The following BACE2 variants were observed in gnomAD, a reference collection of about 807,000 sequenced individuals.
The protein encoded by BACE2 is 56 kDa aspartic-like protease.
Under a neutral mutation model 46.2 loss-of-function variants are expected in BACE2, and 17 were observed. That is an observed-to-expected ratio of 0.37 (90% confidence interval 0.25 to 0.55). The LOEUF (loss-of-function observed/expected upper bound fraction) is 0.55. BACE2 is among the 20% of genes least tolerant of loss of function. The pLI is 0.82. For synonymous variants in BACE2, 277 were observed against 295.9 expected (o/e 0.94, Z 0.66); for missense variants, 595 against 698.1 (o/e 0.85, Z 1.66).
intron 1 of BACE2, among the ~76,000 whole-genome samples, chr21:41,206,268 A>G (rs565950437): frequency 6.6e-6 from 1 of 152,294 alleles, no homozygotes; most frequent in East Asian, 1.9e-4. Flanking sequence ...TGGCAGAAAG[A>G]GGGTGAGAGC....
intron 3 of BACE2, among the ~76,000 whole-genome samples, chr21:41,239,945 G>A (rs542429119): frequency 6.6e-6 from 1 of 152,350 alleles, no homozygotes; most frequent in East Asian, 1.9e-4. Flanking sequence ...AACCTAAATT[G>A]CCTGGAATTA....
intron 1 of BACE2, among the ~76,000 whole-genome samples, chr21:41,213,076 T>C (rs1986348950): frequency 6.6e-6 from 1 of 152,224 alleles, no homozygotes; most frequent in South Asian, 2.1e-4. Flanking sequence ...CTCATGGACA[T>C]GCTTCCCCAT....
chr21:41,266,549 C>T (rs909377174), intron 8 of BACE2, among the ~76,000 whole-genome samples: 1 of 152,234 alleles, frequency 6.6e-6, no homozygotes, highest in African/African-American at 2.4e-5. Flanking sequence ...AGATGCCAGC[C>T]ACGTTTGAGG....
rs147031078 is a variant in BACE2 at position 41,202,828 on chromosome 21, C to T, written c.313-23438C>T. Among the ~76,000 whole-genome samples the T allele has an allele frequency of 3.3e-5, 5 of 152,236 alleles. No individual in the cohort carries two copies. In the East Asian group the frequency reaches 9.7e-4, roughly 29 times the overall value. On this transcript the variant is annotated intron_variant, in intron 1 of 8. Coordinates refer to ENST00000330333, the MANE Select transcript of BACE2 (RefSeq NM_012105.5). ...GGGACCTGGTTAAACATATGGATTC[C>T]AGGCACCATTCTCTGGGCTGGAGAT...
intron 1 of BACE2, among the ~76,000 whole-genome samples, chr21:41,213,773 CA>C (rs879562745): frequency 2.6e-4 from 37 of 142,070 alleles, no homozygotes; most frequent in Admixed American, 4.9e-4. Flanking sequence ...TACTCCGTCT[CA>C]AAAAAAAAAA....
rs947621713 is a variant in BACE2, at chr21:41,275,403, G to A, written c.1336G>A (p.Gly446Arg). 5.0e-6 allele frequency: 8 copies of A among 1,614,004 alleles called. No individual in the cohort carries two copies. Among genetic ancestry groups the A allele is most frequent in the East Asian group, 4.5e-5 (2 of 44,894 alleles). Residue 446 changes from glycine (G) to arginine (R), a missense_variant, in exon 9 of 9, where the codon GGG (glycine) becomes AGG (arginine). By Grantham distance (125) the Gly-to-Arg change is moderately radical. Transcript: ENST00000330333. Reference protein sequence around the residue: ...IAGAAVSEISGPFSTEDVASN... With the variant: ...IAGAAVSEISRPFSTEDVASN... ...AGGTGCTGCAGTGTCTGAAATTTCCGGGCCTTTCTCAACAGAGGATGTAGC... is the reference window on the plus strand; with the variant it reads ...AGGTGCTGCAGTGTCTGAAATTTCCAGGCCTTTCTCAACAGAGGATGTAGC...
intron 1 of BACE2, among the ~76,000 whole-genome samples, chr21:41,223,508 C>T (rs959317718): frequency 6.6e-6 from 1 of 152,200 alleles, no homozygotes; most frequent in Non-Finnish European, 1.5e-5. Context: ...AGTCCTTTGG[C>T]ATTCTTGTGA....
intron 1 of BACE2, chr21:41,180,941 C>T (rs754266026): frequency 1.8e-5 from 3 of 167,054 alleles, no homozygotes; most frequent in Non-Finnish European, 4.4e-5. Context: ...GCCTGATCTC[C>T]GTTGGTGGCT....
intron 1 of BACE2, among the ~76,000 whole-genome samples, chr21:41,202,570 G>A (rs1382435157): frequency 1.3e-5 from 2 of 152,186 alleles, no homozygotes; most frequent in African/African-American, 2.4e-5. Context: ...ATAGGCCATC[G>A]CTCCTGGCAC....
chr21:41,222,527 T>A (rs1380194299), intron 1 of BACE2, among the ~76,000 whole-genome samples: 1 of 152,138 alleles, frequency 6.6e-6, no homozygotes, highest in East Asian at 1.9e-4. Flanking sequence ...AGTGGCCTGG[T>A]GGTCAGCGTG....
At position 41,247,923 on chromosome 21, in the gene BACE2, G is replaced by A. The variant is rs148577115; in HGVS notation, c.984+1860G>A. ...TTGTTTTTCTTATCTACCAGTTCCA[G>A]TAAGCCAAACCTCTTGGCGTGGGTT... On this transcript the variant is annotated intron_variant, in intron 6 of 8. Coordinates refer to ENST00000330333, the MANE Select transcript of BACE2 (RefSeq NM_012105.5). Among the ~76,000 whole-genome samples the A allele has an allele frequency of 2.1e-3, 326 of 152,344 alleles. 3 individuals are homozygous for A. The highest frequency in any genetic ancestry group is 6.2e-3 in the African/African-American group (257 of 41,586).
intron 1 of BACE2, among the ~76,000 whole-genome samples, chr21:41,190,055 C>A (rs1335384214): frequency 6.6e-6 from 1 of 152,188 alleles, no homozygotes; most frequent in African/African-American, 2.4e-5. Context: ...ATGGTGCCCT[C>A]CAGATTAAGG....
At chr21:41,268,234 G>A (rs1054589638) in intron 8 of BACE2, among the ~76,000 whole-genome samples, 1 of 152,186 alleles carries the variant, frequency 6.6e-6, no homozygotes, top group African/African-American at 2.4e-5. Flanking sequence ...GGGGGGCAAA[G>A]AAGTTAAGTA....
chr21:41,179,253 G>A (rs1984988462), intron 1 of BACE2: 2 of 1,293,986 alleles, frequency 1.5e-6, no homozygotes, highest in African/African-American at 1.6e-5. Flanking sequence ...GGTGAGGAGT[G>A]AGGGAGTCCA....
intron 8 of BACE2, among the ~76,000 whole-genome samples, chr21:41,273,868 GTCTGAAATCT>G (rs950293802): frequency 2.3e-4 from 35 of 152,246 alleles, no homozygotes; most frequent in African/African-American, 7.5e-4. Flanking sequence ...ACTAATAAAT[GTCTGAAATCT>G]TCACAATTTA....
chr21:41,274,974 C>G (rs1029216886), intron 8 of BACE2, among the ~76,000 whole-genome samples: 3 of 152,176 alleles, frequency 2.0e-5, no homozygotes, highest in African/African-American at 4.8e-5. Flanking sequence ...TTCTCCTTCT[C>G]TTTCTCCTCT....
At chr21:41,260,193 T>G (rs1987898568) in intron 8 of BACE2, among the ~76,000 whole-genome samples, 1 of 147,638 alleles carries the variant, frequency 6.8e-6, no homozygotes, top group African/African-American at 2.5e-5. Flanking sequence ...TTACCAGGCT[T>G]GAGTGCAGTG....
intron 7 of BACE2, among the ~76,000 whole-genome samples, chr21:41,253,054 A>T (rs1987684602): frequency 6.6e-6 from 1 of 152,236 alleles, no homozygotes; most frequent in Admixed American, 6.5e-5. Context: ...TACCAAAGAC[A>T]TTTTCAGAAG....
At chr21:41,174,395 C>A (rs765976053) in intron 1 of BACE2, among the ~76,000 whole-genome samples, 2 of 151,916 alleles carry the variant, frequency 1.3e-5, no homozygotes, top group Non-Finnish European at 2.9e-5. Flanking sequence ...CCCACCTCGG[C>A]CTCCCAAAGT....
Sources: allele counts gnomAD v4.1 joint callset (sites outside exome capture counted in the v4.1 genomes callset), GRCh38; gene constraint gnomAD v4.1.1; transcripts MANE v1.5; gene names NCBI Gene and HGNC (gene_info 2026-07-23, HGNC 2026-07-21).